Variants in SHISA6 observed in about 807,000 individuals in gnomAD.
SHISA6 encodes the protein shisa family member 6.
Under a neutral mutation model 47.9 loss-of-function variants are expected in SHISA6, and 22 were observed. That is an observed-to-expected ratio of 0.46 (90% CI 0.33 to 0.66). SHISA6 has a LOEUF of 0.66. Among genes scored for constraint, SHISA6 ranks in the 30% least tolerant of loss-of-function variants. The pLI is 0.02. For synonymous variants in SHISA6, 388 were observed against 337.8 expected (o/e 1.15, Z -1.63); for missense variants, 680 against 764.6 (o/e 0.89, Z 1.30).
intron 1 of SHISA6, among the ~76,000 whole-genome samples, chr17:11,254,520 A>G (rs1338220247): frequency 2.0e-5 from 3 of 152,200 alleles, no homozygotes; most frequent in Admixed American, 6.5e-5. Flanking sequence ...TCTTGGTAGA[A>G]GAGGACTTAT....
intron 3 of SHISA6, among the ~76,000 whole-genome samples, chr17:11,412,192 C>T (rs992671707): frequency 6.6e-6 from 1 of 152,140 alleles, no homozygotes; most frequent in African/African-American, 2.4e-5. Context: ...AATCTCTGAA[C>T]TTTAATTTTT....
intron 3 of SHISA6, among the ~76,000 whole-genome samples, chr17:11,483,020 G>A (rs549542828): frequency 5.3e-5 from 8 of 152,116 alleles, no homozygotes; most frequent in African/African-American, 1.7e-4. Context: ...GCAGAAAACC[G>A]GCCAGGCACG....
intron 3 of SHISA6, among the ~76,000 whole-genome samples, chr17:11,466,956 C>G (rs1231277886): frequency 6.6e-6 from 1 of 152,140 alleles, no homozygotes; most frequent in African/African-American, 2.4e-5. Context: ...TCATGCATGT[C>G]TCAAGTGTCA....
At chr17:11,303,000 G>A (rs1170436290) in intron 2 of SHISA6, among the ~76,000 whole-genome samples, 2 of 152,190 alleles carry the variant, frequency 1.3e-5, no homozygotes, top group Non-Finnish European at 2.9e-5. Flanking sequence ...GGTGTGGAGG[G>A]CTCCTGGGAA....
chr17:11,436,050 T>C (rs987999154), intron 3 of SHISA6, among the ~76,000 whole-genome samples: 1 of 152,176 alleles, frequency 6.6e-6, no homozygotes, highest in East Asian at 1.9e-4. Context: ...AGGATAGATG[T>C]TGATTCTGAG....
intron 3 of SHISA6, among the ~76,000 whole-genome samples, chr17:11,425,006 CAAAAAAAA>C (rs34270452): frequency 1.4e-4 from 10 of 70,052 alleles, no homozygotes; most frequent in Non-Finnish European, 2.7e-4. Flanking sequence ...TACTCCGTCT[CAAAAAAAA>C]AAAAAAAAAA....
intron 3 of SHISA6, among the ~76,000 whole-genome samples, chr17:11,432,783 C>T (rs1468491751): frequency 6.7e-6 from 1 of 149,672 alleles, no homozygotes; most frequent in Non-Finnish European, 1.5e-5. Context: ...TGAAAGAAGC[C>T]AGTGTTGTAT....
At chr17:11,456,637 A>G (rs572802237) in intron 3 of SHISA6, among the ~76,000 whole-genome samples, 26 of 152,332 alleles carry the variant, frequency 1.7e-4, no homozygotes, top group African/African-American at 6.3e-4. Flanking sequence ...AAGTGAAGCA[A>G]ATGACCTTGA....
intron 2 of SHISA6, among the ~76,000 whole-genome samples, chr17:11,294,673 A>G (rs1003983786): frequency 3.9e-5 from 6 of 152,302 alleles, no homozygotes; most frequent in Admixed American, 6.5e-5. Flanking sequence ...CTGAGGGGCT[A>G]TGTACGTTCC....
chr17:11,269,044 G>T (rs1372264521), intron 2 of SHISA6, among the ~76,000 whole-genome samples: 13 of 141,196 alleles, frequency 9.2e-5, no homozygotes, highest in African/African-American at 3.9e-4. Flanking sequence ...TTGTTTGTCT[G>T]TTTTGTTTTT....
chr17:11,468,802 C>A (rs546701289), intron 3 of SHISA6, among the ~76,000 whole-genome samples: 5 of 151,966 alleles, frequency 3.3e-5, no homozygotes, highest in Non-Finnish European at 5.9e-5. Context: ...GGCTGGATCA[C>A]TTGAGGTCAG....
At chr17:11,524,773 A>G (rs2071661831) in intron 3 of SHISA6, among the ~76,000 whole-genome samples, 1 of 152,228 alleles carries the variant, frequency 6.6e-6, no homozygotes, top group Admixed American at 6.5e-5. Context: ...TGCTAGGATT[A>G]CAGGCGTGAG....
At chr17:11,477,100 T>A (rs1916069369) in intron 3 of SHISA6, among the ~76,000 whole-genome samples, 1 of 152,208 alleles carries the variant, frequency 6.6e-6, no homozygotes, top group Non-Finnish European at 1.5e-5. Context: ...TTTTCATTCG[T>A]ATTAACATGG....
intron 1 of SHISA6, among the ~76,000 whole-genome samples, chr17:11,257,520 G>A (rs767930805): frequency 2.0e-5 from 3 of 152,014 alleles, no homozygotes; most frequent in Non-Finnish European, 2.9e-5. Context: ...AATTAGCTGG[G>A]TGTGGTGGTG....
intron 2 of SHISA6, among the ~76,000 whole-genome samples, chr17:11,302,173 TG>T (rs5819311): frequency 1.3e-5 from 2 of 152,226 alleles, no homozygotes. Flanking sequence ...GAGATTTGGG[TG>T]GGGGCACAGC....
chr17:11,259,501 A>G (rs11870055), intron 1 of SHISA6, among the ~76,000 whole-genome samples: 4,678 of 152,184 alleles, frequency 0.031, 259 homozygotes, highest in African/African-American at 0.11. Context: ...GGTTTTGTTT[A>G]TTTTTCTGTT....
chr17:11,544,202 T>C (rs930678773), intron 3 of SHISA6, among the ~76,000 whole-genome samples: 8 of 151,976 alleles, frequency 5.3e-5, no homozygotes, highest in Admixed American at 1.3e-4. Context: ...ATGTATAAAA[T>C]TTAAAAATTG....
chr17:11,411,470 C>A (rs1390396070), intron 3 of SHISA6, among the ~76,000 whole-genome samples: 3 of 152,046 alleles, frequency 2.0e-5, no homozygotes, highest in African/African-American at 7.2e-5. Context: ...GATCTCGGCT[C>A]ACTGCAACCT....
chr17:11,264,949 C>T (rs1203788107), intron 2 of SHISA6, among the ~76,000 whole-genome samples: 1 of 152,102 alleles, frequency 6.6e-6, no homozygotes, highest in Admixed American at 6.5e-5. Flanking sequence ...ATAGATTCAT[C>T]CAAAGTTAAA....
Sources: gnomAD v4.1 joint callset for allele counts (sites outside exome capture counted in the v4.1 genomes callset) on GRCh38, gnomAD v4.1.1 for gene constraint, MANE v1.5 for transcripts, NCBI Gene and HGNC (gene_info 2026-07-23, HGNC 2026-07-21) for gene names.